ZNF556: variants seen among roughly 807,000 people sequenced by gnomAD.
The protein encoded by ZNF556 is zinc finger protein 556.
Under a neutral mutation model 13.6 loss-of-function variants are expected in ZNF556, and 11 were observed. That is an observed-to-expected ratio of 0.81 (90% CI 0.51 to 1.33). ZNF556 has a LOEUF of 1.33. Ranked by LOEUF, ZNF556 falls within the 40% of genes most tolerant of loss-of-function variation. The pLI is 0.00. For missense variants in ZNF556, 633 were observed against 566.2 expected (o/e 1.12, Z -1.20); for synonymous variants, 229 against 207.8 (o/e 1.10, Z -0.88).
chr19:2,869,008 C>G (rs952610553), intron 1 of ZNF556, among the ~76,000 whole-genome samples: 1 of 152,184 alleles, frequency 6.6e-6, no homozygotes, highest in African/African-American at 2.4e-5. Flanking sequence ...CGTGAGCCAC[C>G]ACACCTGGCC....
chr19:2,868,464 G>A lies in ZNF556; in HGVS notation c.3+1040G>A, dbSNP rs192930111. Among the ~76,000 whole-genome samples the A allele has an allele frequency of 3.4e-4, 52 of 152,298 alleles. No individual in the cohort carries two copies. In the East Asian group the frequency reaches 9.8e-3, roughly 29 times the overall value. Reference sequence around the variant, plus strand: ...GTCTTGCTCTGTCACCCAGGCTGGAGTGCAGTGGCGCGATCTCGGCTCACT... The same window carrying A: ...GTCTTGCTCTGTCACCCAGGCTGGAATGCAGTGGCGCGATCTCGGCTCACT... On this transcript the variant is annotated intron_variant, in intron 1 of 3. Coordinates refer to ENST00000307635, the MANE Select transcript of ZNF556 (RefSeq NM_024967.3).
Position 2,873,609 on chromosome 19 carries a change from C to G in ZNF556, c.117C>G (p.His39Gln), listed in dbSNP as rs549484587. Residue 39 changes from histidine (H) to glutamine (Q), a missense_variant, in exon 2 of 4, where the codon CAC (histidine) becomes CAG (glutamine). His to Gln is a conservative substitution (Grantham distance 24). Transcript: ENST00000307635. The part of the protein sequence containing the change: ...YRDVMLETFK[H>Q]LASVDNEAQL... ...ATGTCATGCTGGAGACCTTCAAGCA[C>G]CTGGCCTCAGTAGGTGAGGATAGCA... 26 of 1,613,818 alleles carry G rather than the reference C, an allele frequency of 1.6e-5. No individual in the cohort carries two copies. The African/African-American group carries it at 2.3e-4, about 14-fold the overall frequency.
chr19:2,873,979 A>G (rs1198381443), intron 2 of ZNF556, among the ~76,000 whole-genome samples: 1 of 151,794 alleles, frequency 6.6e-6, no homozygotes, highest in Non-Finnish European at 1.5e-5. Context: ...AAAAAGAGCC[A>G]GGCACGGTGG....
chr19:2,868,222 C>T (rs2087773552), intron 1 of ZNF556, among the ~76,000 whole-genome samples: 3 of 151,126 alleles, frequency 2.0e-5, no homozygotes, highest in Admixed American at 6.6e-5. Flanking sequence ...ACGGGGCTCC[C>T]GGGAAAAAGA....
intron 2 of ZNF556, chr19:2,874,913 C>CTTTTTT (rs1237157520): frequency 8.0e-6 from 1 of 125,180 alleles, no homozygotes; most frequent in African/African-American, 3.1e-5. Flanking sequence ...ACTGCTTGTA[C>CTTTTTT]TTTTTTTTTT....
intron 1 of ZNF556, 96 bp downstream of exon 1, chr19:2,867,520 G>T (rs547660675): frequency 5.4e-4 from 820 of 1,531,156 alleles, no homozygotes; most frequent in Middle Eastern, 8.3e-4. Context: ...GGAGCCGCCC[G>T]GAACCCCCAT....
In ZNF556 at chr19:2,878,516, A is replaced by C; in HGVS notation, c.*187A>C. 1 of 505,004 alleles carries C rather than the reference A, an allele frequency of 2.0e-6. No homozygotes were observed. The highest frequency in any genetic ancestry group is 3.4e-6 in the Non-Finnish European group (1 of 294,556). 31.3% of individuals were successfully genotyped at this position (505,004 alleles called of 1,614,324 possible). ...CCCCGTCTCTACTAAAAAAAAAAAA[A>C]ATACAAAAAATTAGCCGGGCGTGGT... is the stretch of plus-strand genomic sequence containing the variant. On this transcript the variant is annotated 3_prime_UTR_variant, in exon 4 of 4. Transcript: ENST00000307635.
In ZNF556 at chr19:2,878,182, C is replaced by A; in HGVS notation, c.1224C>A (p.Gly408=). 1 of 1,614,110 alleles carries A rather than the reference C, an allele frequency of 6.2e-7. No individual in the cohort carries two copies. The highest frequency in any genetic ancestry group is 1.1e-5 in the South Asian group (1 of 91,078). Residue 408 remains glycine, a synonymous_variant, in exon 4 of 4, where the codon GGC becomes GGA. Transcript: ENST00000307635. The part of the protein sequence containing the change: ...VNAASVGKPS[G]GLCSSKNVRT... ...CAGCCAGTGTGGGAAAACCTTCAGG[C>A]GGGCTTTGCTCTTCCAAAAATGTAA...
At chr19:2,872,363 A>G (rs1409608257) in intron 1 of ZNF556, among the ~76,000 whole-genome samples, 3 of 151,650 alleles carry the variant, frequency 2.0e-5, no homozygotes. Context: ...CCGCTAGACC[A>G]AGGAGCCCTC....
intron 1 of ZNF556, 31 bp downstream of exon 1, chr19:2,867,455 C>G (rs933653214): frequency 6.3e-7 from 1 of 1,578,856 alleles, no homozygotes; most frequent in Non-Finnish European, 8.6e-7. Context: ...GAGCCGGAGC[C>G]GGAGCCCTGG....
Position 2,881,251 on chromosome 19 carries a change from TA to T in ZNF556, c.*2927del. ...TATTAAATAAGTCTAGCAAAAGACA[TA>T]AAAAGATAACTAATAAAACAAGTTT... On this transcript the variant is annotated 3_prime_UTR_variant, in exon 4 of 4. Coordinates refer to ENST00000307635, the MANE Select transcript of ZNF556 (RefSeq NM_024967.3). The T allele has an allele frequency of 6.6e-6, 1 of 150,668 alleles. No individual in the cohort carries two copies. The highest frequency in any genetic ancestry group is 2.1e-4 in the South Asian group (1 of 4,824). 9.3% of individuals were successfully genotyped at this position (150,668 alleles called of 1,614,324 possible). A position where few individuals can be genotyped will look rare whatever the true frequency, so the allele number is the denominator to read the frequency against.
chr19:2,873,350 CAG>C, intron 1 of ZNF556, 144 bp from the exon 2 acceptor site: 1 of 894,630 alleles, frequency 1.1e-6, no homozygotes, highest in East Asian at 2.5e-5. Flanking sequence ...TGATTACAGA[CAG>C]AGGGGAAGAG....
At chr19:2,874,720 G>C (rs2087834931) in intron 2 of ZNF556, among the ~76,000 whole-genome samples, 2 of 139,108 alleles carry the variant, frequency 1.4e-5, no homozygotes, top group Non-Finnish European at 3.0e-5. Context: ...CTCCAGCCTG[G>C]GTGACAGAGT....
chr19:2,873,647 T>G, intron 2 of ZNF556, 25 bp downstream of exon 2: 1 of 1,603,756 alleles, frequency 6.2e-7, no homozygotes, highest in Non-Finnish European at 8.5e-7. Flanking sequence ...ATTTCTGCAC[T>G]TAGTTATTAG....
intron 3 of ZNF556, among the ~76,000 whole-genome samples, chr19:2,876,731 A>T (rs1414413033): frequency 6.6e-6 from 1 of 151,880 alleles, no homozygotes; most frequent in African/African-American, 2.4e-5. Flanking sequence ...AAAAAAAAAA[A>T]TGATAATTCT....
In ZNF556 at chr19:2,877,626, G is replaced by C; in HGVS notation, c.668G>C (p.Arg223Thr). The C allele has an allele frequency of 2.5e-6, 4 of 1,614,156 alleles. No individual in the cohort carries two copies. Residue 223 changes from arginine (R) to threonine (T), a missense_variant, in exon 4 of 4, where the codon AGG becomes ACG. Coordinates refer to ENST00000307635, the MANE Select transcript of ZNF556 (RefSeq NM_024967.3). ...TCCCACTCTCTCACTGAACATGTAAGGACTCACACTGGAGAGAAACCCTAC... is the reference window on the plus strand; with the variant it reads ...TCCCACTCTCTCACTGAACATGTAACGACTCACACTGGAGAGAAACCCTAC... ...LRSHSLTEHV[R>T]THTGEKPYEC...
At chr19:2,873,398 C>T (rs1280819772) in intron 1 of ZNF556, 98 bp from the exon 2 acceptor site, 12 of 1,431,244 alleles carry the variant, frequency 8.4e-6, no homozygotes, top group Middle Eastern at 2.4e-4. Context: ...TATTGGCAGA[C>T]TGCAGGATCT....
In ZNF556 at chr19:2,867,712, C is replaced by CAAAAA. The variant is rs377752421; in HGVS notation, c.3+290_3+294dup. On this transcript the variant is annotated intron_variant, in intron 1 of 3. Transcript: ENST00000307635. ...TTGGAAGAAAAACTAACCCAAAGTA[C>CAAAAA]AAAAAACAAAACAAAAAAAAAAAAA... Among the ~76,000 whole-genome samples the CAAAAA allele has an allele frequency of 8.2e-5, 7 of 85,578 alleles. 1 individual carries two copies. The highest frequency in any genetic ancestry group is 4.6e-4 in the South Asian group (1 of 2,160). The allele number at this position is 85,578 out of a possible 152,430, so 56.1% of individuals were successfully genotyped here.
rs764145236 is a variant in ZNF556, at chr19:2,877,549, C to G, written c.591C>G (p.His197Gln). The change falls in exon 4 of 4, where the codon CAC becomes CAG. Residue 197 changes from histidine to glutamine, a missense_variant. Transcript: ENST00000307635. The part of the protein sequence containing the change: ...PSYLQTHEKT[H>Q]SGEKPYACQS... The stretch of plus-strand genomic sequence containing the variant: ...ACCTACAGACGCATGAGAAAACTCA[C>G]AGTGGAGAGAAACCCTATGCCTGTC... The G allele has an allele frequency of 9.3e-6, 15 of 1,614,038 alleles. No homozygotes were observed. The highest frequency in any genetic ancestry group is 1.2e-5 in the Non-Finnish European group (14 of 1,180,056).
Sources: allele counts gnomAD v4.1 joint callset (sites outside exome capture counted in the v4.1 genomes callset), GRCh38; gene constraint gnomAD v4.1.1; transcripts MANE v1.5; gene names NCBI Gene and HGNC (gene_info 2026-07-23, HGNC 2026-07-21).